UGT1A10: variants seen among roughly 807,000 people sequenced by gnomAD.
UGT1A10 encodes UDP-glucuronosyltransferase 1A10.
A neutral mutation model predicts 45.8 loss-of-function variants in UGT1A10; 49 were observed. The ratio of observed to expected loss-of-function variants is 1.07; its 90% CI spans 0.85 to 1.36. UGT1A10 has a LOEUF of 1.36. UGT1A10 is among the 40% of genes most tolerant of loss of function. The probability of loss-of-function intolerance (pLI) is 0.00; values close to 1 mark genes in which losing one functional copy is unlikely to be tolerated. For synonymous variants in UGT1A10, 284 were observed against 249.7 expected (o/e 1.14, Z -1.29); for missense variants, 745 against 668.6 (o/e 1.11, Z -1.26).
chr2:233,727,660 A>G (rs1325777939), intron 1 of UGT1A10, among the ~76,000 whole-genome samples: 2 of 152,150 alleles, frequency 1.3e-5, no homozygotes, highest in Admixed American at 6.5e-5. Context: ...CTAGTGCTCT[A>G]TGTCCTTACA....
intron 1 of UGT1A10, among the ~76,000 whole-genome samples, chr2:233,702,893 A>T (rs554426682): frequency 2.0e-5 from 3 of 152,324 alleles, no homozygotes; most frequent in Admixed American, 2.0e-4. Flanking sequence ...CATCATATCC[A>T]TAAGAGATAT....
chr2:233,690,006 C>T (rs368149285), intron 1 of UGT1A10: 1 of 443,134 alleles, frequency 2.3e-6, no homozygotes, highest in African/African-American at 2.0e-5. Flanking sequence ...CTTCATCTCA[C>T]CATTTTGGAC....
intron 1 of UGT1A10, among the ~76,000 whole-genome samples, chr2:233,649,530 T>G (rs1433882108): frequency 6.6e-6 from 1 of 152,254 alleles, no homozygotes; most frequent in Non-Finnish European, 1.5e-5. Flanking sequence ...ATACTTATTT[T>G]ATGAAAATCA....
At chr2:233,671,769 T>C (rs971183791) in intron 1 of UGT1A10, 139 of 1,368,256 alleles carry the variant, frequency 1.0e-4, no homozygotes, top group Non-Finnish European at 1.3e-4. Flanking sequence ...GCTACTCATA[T>C]ATTCTTGTTC....
chr2:233,665,773 A>G (rs1172119823), intron 1 of UGT1A10, among the ~76,000 whole-genome samples: 2 of 152,228 alleles, frequency 1.3e-5, no homozygotes, highest in Non-Finnish European at 2.9e-5. Flanking sequence ...CAATACAGGA[A>G]GTATTTTATT....
chr2:233,690,525 A>G (rs1000545540), intron 1 of UGT1A10: 3 of 1,289,480 alleles, frequency 2.3e-6, no homozygotes, highest in Non-Finnish European at 3.0e-6. Flanking sequence ...CTTAGGATCT[A>G]CTTCTTTCAC....
intron 1 of UGT1A10, chr2:233,682,122 T>C: frequency 6.2e-7 from 1 of 1,614,094 alleles, no homozygotes; most frequent in Non-Finnish European, 8.5e-7. Context: ...ATGCCAGAGG[T>C]GAGTTGGCAA....
At chr2:233,676,053 G>C (rs2074344673) in intron 1 of UGT1A10, among the ~76,000 whole-genome samples, 1 of 152,152 alleles carries the variant, frequency 6.6e-6, no homozygotes, top group Non-Finnish European at 1.5e-5. Flanking sequence ...AATTGACTAG[G>C]TGCCAAAGTT....
chr2:233,748,553 T>G (rs1693970920), intron 1 of UGT1A10, among the ~76,000 whole-genome samples: 1 of 151,806 alleles, frequency 6.6e-6, no homozygotes, highest in Admixed American at 6.5e-5. Context: ...ACCTAAGCAC[T>G]CGCAGGAAGT....
chr2:233,736,518 C>G (rs567664154), intron 1 of UGT1A10, among the ~76,000 whole-genome samples: 1 of 152,188 alleles, frequency 6.6e-6, no homozygotes, highest in Admixed American at 6.5e-5. Context: ...TCTGTCAACT[C>G]GTCAAAGTCA....
At chr2:233,724,341 C>T (rs1350319143) in intron 1 of UGT1A10, among the ~76,000 whole-genome samples, 3 of 121,020 alleles carry the variant, frequency 2.5e-5, no homozygotes, top group South Asian at 3.0e-4. Flanking sequence ...GGGGGGCTGA[C>T]CCCCCCCACC....
At chr2:233,645,332 A>C (rs1559322622) in intron 1 of UGT1A10, among the ~76,000 whole-genome samples, 1 of 152,126 alleles carries the variant, frequency 6.6e-6, no homozygotes, top group Non-Finnish European at 1.5e-5. Flanking sequence ...ACACAGCCAA[A>C]CCATATGATT....
Position 233,768,319 on chromosome 2 carries a change from G to C in UGT1A10, c.1175G>C (p.Gly392Ala), listed in dbSNP as rs367897068. The C allele has an allele frequency of 1.4e-5, 23 of 1,614,162 alleles. No individual in the cohort carries two copies. In the South Asian group the frequency reaches 2.2e-4, roughly 15 times the overall value. ...CCCATGGTGATGATGCCCTTGTTTG[G>C]TGATCAGATGGACAATGCAAAGCGC... is the stretch of plus-strand genomic sequence containing the variant. ...GVPMVMMPLF[G>A]DQMDNAKRME... The change falls in exon 4 of 5, where the codon GGT (glycine) becomes GCT (alanine). Residue 392 changes from glycine to alanine, a missense_variant. Transcript: ENST00000344644.
chr2:233,648,794 G>T, intron 1 of UGT1A10: 1 of 911,194 alleles, frequency 1.1e-6, no homozygotes. Flanking sequence ...GAGAGAGTAA[G>T]GAACCACATC....
At chr2:233,724,345 C>CCT in intron 1 of UGT1A10, among the ~76,000 whole-genome samples, 1 of 147,952 alleles carries the variant, frequency 6.8e-6, no homozygotes, top group African/African-American at 2.5e-5. Flanking sequence ...GGCTGACCCC[C>CCT]CCCACCTCCC....
chr2:233,744,585 T>G (rs560652902), intron 1 of UGT1A10, among the ~76,000 whole-genome samples: 1 of 151,910 alleles, frequency 6.6e-6, no homozygotes, highest in Non-Finnish European at 1.5e-5. Context: ...CGTTTTACAG[T>G]TTTTGCATCT....
chr2:233,738,671 G>A (rs6722076), intron 1 of UGT1A10, among the ~76,000 whole-genome samples: 41,235 of 152,112 alleles, frequency 0.27, 5,866 homozygotes, highest in South Asian at 0.39. Context: ...TGAGAGAGAT[G>A]ATCTGAAATT....
At chr2:233,671,416 C>T (rs925394448) in intron 1 of UGT1A10, among the ~76,000 whole-genome samples, 6 of 152,176 alleles carry the variant, frequency 3.9e-5, no homozygotes, top group African/African-American at 1.2e-4. Context: ...AATATGTATG[C>T]ATTGCAGAGA....
At chr2:233,761,616 T>C (rs1314305067) in intron 1 of UGT1A10, among the ~76,000 whole-genome samples, 1 of 152,246 alleles carries the variant, frequency 6.6e-6, no homozygotes, top group East Asian at 1.9e-4. Flanking sequence ...AATATTCTGA[T>C]AAGAAGCTAA....
Sources: allele counts gnomAD v4.1 joint callset (sites outside exome capture counted in the v4.1 genomes callset), GRCh38; gene constraint gnomAD v4.1.1; transcripts MANE v1.5; gene names NCBI Gene and HGNC (gene_info 2026-07-23, HGNC 2026-07-21).